The following COL5A2 variants were observed in gnomAD, a reference collection of about 807,000 sequenced individuals.
COL5A2 encodes the protein collagen alpha-2(V) chain.
A neutral mutation model predicts 208.2 loss-of-function variants in COL5A2; 23 were observed. The observed-to-expected ratio is 0.11, with a 90% confidence interval of 0.08 to 0.16. COL5A2 has a LOEUF of 0.16. Among genes scored for constraint, COL5A2 ranks in the 10% least tolerant of loss-of-function variants. COL5A2 has a pLI of 1.00. For missense variants in COL5A2, 1,590 were observed against 1,956.4 expected, an observed-to-expected ratio of 0.81 and a Z score of 3.53; for synonymous variants, 625 against 628.5, an observed-to-expected ratio of 0.99 and a Z score of 0.08.
intron 3 of COL5A2, among the ~76,000 whole-genome samples, chr2:189,100,860 G>T (rs2105691861): frequency 6.6e-6 from 1 of 152,092 alleles, no homozygotes; most frequent in South Asian, 2.1e-4. Context: ...AATAGATGTA[G>T]ATAGAATTTA....
chr2:189,052,726 T>C, intron 40 of COL5A2, 23 bp downstream of exon 40: 1 of 1,612,780 alleles, frequency 6.2e-7, no homozygotes, highest in Middle Eastern at 1.7e-4. Flanking sequence ...GTGCATACTT[T>C]GCAGAGCATC....
chr2:189,049,226 T>C (rs1685732004), intron 44 of COL5A2, 121 bp downstream of exon 44: 2 of 744,988 alleles, frequency 2.7e-6, no homozygotes, highest in East Asian at 2.7e-5. Context: ...CAAATAACAT[T>C]ACTAAGAAAC....
upstream of COL5A2, among the ~76,000 whole-genome samples, chr2:189,225,676 C>T (rs972203396): frequency 6.6e-6 from 1 of 151,990 alleles, no homozygotes; most frequent in South Asian, 2.1e-4. Context: ...AAAATAAGAA[C>T]ATTAAACTGT....
upstream of COL5A2, among the ~76,000 whole-genome samples, chr2:189,227,798 AT>A (rs1288660201): frequency 6.6e-6 from 1 of 152,038 alleles, no homozygotes; most frequent in African/African-American, 2.4e-5. Context: ...AATGGATGGA[AT>A]ATCCAGACAG....
intron 45 of COL5A2, among the ~76,000 whole-genome samples, 184 bp downstream of exon 45, chr2:189,048,025 T>A (rs1685705451): frequency 6.6e-6 from 1 of 152,202 alleles, no homozygotes; most frequent in African/African-American, 2.4e-5. Flanking sequence ...TCTTAATTTG[T>A]TGCATATTCA....
the COL5A2 span, among the ~76,000 whole-genome samples, chr2:189,352,731 T>G: frequency 2.6e-5 from 4 of 152,236 alleles, no homozygotes; most frequent in Non-Finnish European, 4.4e-5. Flanking sequence ...TCTCTCATTC[T>G]GTAGGTTGCC....
intron 8 of COL5A2, 59 bp downstream of exon 8, chr2:189,088,636 C>G: frequency 7.6e-7 from 1 of 1,309,190 alleles, no homozygotes; most frequent in South Asian, 1.2e-5. Context: ...TCAAGATTCT[C>G]TTTTTAAAAT....
chr2:189,033,979 A>C lies in COL5A2; in HGVS notation c.*91T>G. The C allele has an allele frequency of 6.5e-7, 1 of 1,543,906 alleles. No homozygotes were observed. The highest frequency in any genetic ancestry group is 8.9e-7 in the Non-Finnish European group (1 of 1,120,684). On this transcript the variant is annotated 3_prime_UTR_variant, in exon 54 of 54. Transcript: ENST00000374866. ...ATGCAGGATCAGCCATTACTTCAAG[A>C]GTCTCAGGATCAACTTCAAACAGTC...
rs1321253534 is a variant in COL5A2 at position 189,032,984 on chromosome 2, A to C, written c.*1086T>G. On this transcript the variant is annotated 3_prime_UTR_variant, in exon 54 of 54. Coordinates refer to ENST00000374866, the MANE Select transcript of COL5A2 (RefSeq NM_000393.5). ...TTCAGTATCTAAAATATAAACAAGA[A>C]TAGTAAGTCCATCCCAGCTTCTAGA... The C allele has an allele frequency of 6.6e-6, 1 of 152,640 alleles. No individual in the cohort carries two copies. Among genetic ancestry groups the C allele is most frequent in the Non-Finnish European group, 1.5e-5 (1 of 68,024 alleles). 9.5% of individuals were successfully genotyped at this position (152,640 alleles called of 1,614,324 possible).
At chr2:189,341,156 A>C in the COL5A2 span, among the ~76,000 whole-genome samples, 1 of 152,316 alleles carries the variant, frequency 6.6e-6, no homozygotes, top group South Asian at 2.1e-4. Context: ...ACATCTAGAA[A>C]TTTGTGGTTC....
the COL5A2 span, among the ~76,000 whole-genome samples, chr2:189,389,589 G>C: frequency 6.6e-6 from 1 of 152,092 alleles, no homozygotes; most frequent in African/African-American, 2.4e-5. Flanking sequence ...ATAAATTTTA[G>C]ATTGGAATAA....
the COL5A2 span, among the ~76,000 whole-genome samples, chr2:189,365,833 C>A: frequency 2.0e-5 from 3 of 152,194 alleles, no homozygotes; most frequent in Non-Finnish European, 4.4e-5. Flanking sequence ...TTGGCTGTAG[C>A]AAAGTGACCA....
chr2:189,300,939 C>A, the COL5A2 span, among the ~76,000 whole-genome samples: 3 of 152,150 alleles, frequency 2.0e-5, no homozygotes, highest in Non-Finnish European at 2.9e-5. Flanking sequence ...ATAATTCCAG[C>A]CCTTTGGGAG....
chr2:189,196,583 T>C (rs1022338362), intron 1 of COL5A2, among the ~76,000 whole-genome samples: 22 of 150,352 alleles, frequency 1.5e-4, no homozygotes, highest in African/African-American at 5.1e-4. Context: ...AACTTTCTGC[T>C]GGGTTAAGGA....
intron 41 of COL5A2, 54 bp from the exon 42 acceptor site, chr2:189,051,535 A>T (rs996514323): frequency 1.0e-5 from 16 of 1,526,516 alleles, no homozygotes; most frequent in Non-Finnish European, 1.4e-5. Flanking sequence ...GGCAAGTAAG[A>T]GTGATTGACA....
intron 1 of COL5A2, among the ~76,000 whole-genome samples, chr2:189,185,248 C>T (rs1317831472): frequency 1.3e-5 from 2 of 152,194 alleles, no homozygotes; most frequent in East Asian, 1.9e-4. Flanking sequence ...TGGTCTCAAA[C>T]TCCTGACCTT....
the COL5A2 span, among the ~76,000 whole-genome samples, chr2:189,245,577 C>T: frequency 1.5e-4 from 22 of 151,036 alleles, no homozygotes; most frequent in South Asian, 6.3e-4. Flanking sequence ...CTCCGCCTCC[C>T]GGGTTCACGC....
At chr2:189,141,180 C>T (rs569883413) in intron 1 of COL5A2, among the ~76,000 whole-genome samples, 33 of 152,080 alleles carry the variant, frequency 2.2e-4, no homozygotes, top group African/African-American at 8.0e-4. Context: ...GTAAGGAAGC[C>T]GACTTGGAAG....
chr2:189,198,101 CCTTAACCTTTAATA>C (rs927587595), intron 1 of COL5A2, among the ~76,000 whole-genome samples: 1 of 152,074 alleles, frequency 6.6e-6, no homozygotes, highest in African/African-American at 2.4e-5. Flanking sequence ...CGCCTGCTTA[CCTTAACCTTTAATA>C]TGATACATAT....
Sources: allele counts gnomAD v4.1 joint callset (sites outside exome capture counted in the v4.1 genomes callset), GRCh38; gene constraint gnomAD v4.1.1; transcripts MANE v1.5; gene names NCBI Gene and HGNC (gene_info 2026-07-23, HGNC 2026-07-21).